CDH13: variants seen among roughly 807,000 people sequenced by gnomAD.
The protein encoded by CDH13 is cadherin 13, also known as cadherin-13.
A neutral mutation model predicts 63.8 loss-of-function variants in CDH13; 24 were observed. The ratio of observed to expected loss-of-function variants is 0.38; its 90% confidence interval spans 0.27 to 0.53. The LOEUF (loss-of-function observed/expected upper bound fraction) is 0.53, where lower values mean the gene tolerates loss of function less well. CDH13 is among the 20% of genes least tolerant of loss of function. CDH13 has a pLI of 0.85. For missense variants in CDH13, 1,049 were observed against 903.1 expected, an observed-to-expected ratio of 1.16 and a Z score of -2.07; for synonymous variants, 503 against 355.3, an observed-to-expected ratio of 1.42 and a Z score of -4.67.
At chr16:83,185,146 C>T (rs983599341) in intron 4 of CDH13, among the ~76,000 whole-genome samples, 5 of 152,080 alleles carry the variant, frequency 3.3e-5, no homozygotes, top group African/African-American at 4.8e-5. Context: ...TACAGCTGGT[C>T]GTGGCAGCAC....
intron 6 of CDH13, among the ~76,000 whole-genome samples, chr16:83,409,840 T>A: frequency 6.6e-6 from 1 of 152,252 alleles, no homozygotes; most frequent in South Asian, 2.1e-4. Flanking sequence ...CTGGGTTATT[T>A]AACTGGCTTT....
chr16:82,885,071 A>G (rs1597899320), intron 2 of CDH13, among the ~76,000 whole-genome samples: 1 of 152,202 alleles, frequency 6.6e-6, no homozygotes, highest in Non-Finnish European at 1.5e-5. Context: ...TACTATATAC[A>G]GCAAGAGAAG....
chr16:83,717,329 C>G (rs1035984485), intron 10 of CDH13, among the ~76,000 whole-genome samples: 2 of 152,160 alleles, frequency 1.3e-5, no homozygotes, highest in African/African-American at 4.8e-5. Flanking sequence ...ATCCCCTAAT[C>G]TCCCCTGACT....
At chr16:83,188,973 T>C (rs1323705942) in intron 4 of CDH13, among the ~76,000 whole-genome samples, 1 of 152,290 alleles carries the variant, frequency 6.6e-6, no homozygotes, top group East Asian at 1.9e-4. Context: ...GCTGTGACAC[T>C]GGGATCTCAG....
At chr16:82,798,133 C>G (rs1372482960) in intron 1 of CDH13, among the ~76,000 whole-genome samples, 1 of 152,180 alleles carries the variant, frequency 6.6e-6, no homozygotes, top group Non-Finnish European at 1.5e-5. Context: ...AGAAAAGAGG[C>G]TGGCATTTAT....
intron 1 of CDH13, among the ~76,000 whole-genome samples, chr16:82,819,936 G>C (rs1303054281): frequency 6.6e-6 from 1 of 152,140 alleles, no homozygotes; most frequent in Non-Finnish European, 1.5e-5. Flanking sequence ...TGGATGCTGG[G>C]ATCCTAGGTG....
intron 8 of CDH13, among the ~76,000 whole-genome samples, chr16:83,650,948 AATAT>A: frequency 6.6e-6 from 1 of 151,012 alleles, no homozygotes; most frequent in East Asian, 1.9e-4. Flanking sequence ...TAAAAATTTA[AATAT>A]ATATATAGTG....
chr16:83,111,094 C>T (rs1260123469), intron 3 of CDH13, among the ~76,000 whole-genome samples: 1 of 150,302 alleles, frequency 6.7e-6, no homozygotes, highest in Non-Finnish European at 1.5e-5. Flanking sequence ...ATGGCGTGAA[C>T]CCGGGAGGCG....
At chr16:82,665,040 A>T (rs903876494) in intron 1 of CDH13, among the ~76,000 whole-genome samples, 5 of 152,212 alleles carry the variant, frequency 3.3e-5, no homozygotes, top group African/African-American at 1.2e-4. Context: ...ACTTGCAGAC[A>T]TATACAGAGC....
intron 10 of CDH13, among the ~76,000 whole-genome samples, chr16:83,737,213 C>G (rs1911621942): frequency 1.3e-5 from 2 of 152,178 alleles, no homozygotes; most frequent in East Asian, 1.9e-4. Context: ...ATTTCCTAGA[C>G]TAAATCATTC....
chr16:82,947,003 CCTGT>C (rs1904797533), intron 2 of CDH13, among the ~76,000 whole-genome samples: 1 of 91,232 alleles, frequency 1.1e-5, no homozygotes, highest in Admixed American at 1.2e-4. Context: ...AGTGCGCACG[CCTGT>C]GTGTGTGTGT....
intron 7 of CDH13, among the ~76,000 whole-genome samples, chr16:83,561,605 T>C (rs994456581): frequency 3.9e-5 from 6 of 152,206 alleles, no homozygotes; most frequent in Admixed American, 3.9e-4. Context: ...CTAAGCACTT[T>C]ACAGGTTAAA....
chr16:82,716,839 T>A (rs2032408214), intron 1 of CDH13, among the ~76,000 whole-genome samples: 2 of 151,930 alleles, frequency 1.3e-5, no homozygotes, highest in South Asian at 2.1e-4. Flanking sequence ...ACTATAGATC[T>A]TCTTTGTCCT....
chr16:82,929,913 A>G lies in CDH13; in HGVS notation c.157+71440A>G, dbSNP rs973823135. 2.0e-5 allele frequency among the ~76,000 whole-genome samples: 3 copies of G among 152,028 alleles called. No individual in the cohort carries two copies. In the South Asian group the frequency reaches 6.2e-4, roughly 32 times the overall value. ...ATTGATTAGTTTTCACAAACCAAAC[A>G]CATACACATAACAACACTCAGAGAA... is the stretch of plus-strand genomic sequence containing the variant. On this transcript the variant is annotated intron_variant, in intron 2 of 13. Coordinates refer to ENST00000567109, the MANE Select transcript of CDH13 (RefSeq NM_001257.5).
intron 1 of CDH13, among the ~76,000 whole-genome samples, chr16:82,848,400 C>T (rs1436006766): frequency 6.6e-6 from 1 of 152,200 alleles, no homozygotes; most frequent in African/African-American, 2.4e-5. Flanking sequence ...TTCACCTTGA[C>T]AACTCTGCAC....
At chr16:82,831,430 T>A (rs1361790110) in intron 1 of CDH13, among the ~76,000 whole-genome samples, 2 of 152,014 alleles carry the variant, frequency 1.3e-5, no homozygotes, top group Non-Finnish European at 2.9e-5. Flanking sequence ...GGTTGGGAGA[T>A]CCTGGGAAAT....
intron 6 of CDH13, among the ~76,000 whole-genome samples, chr16:83,479,314 C>T (rs1380649717): frequency 6.6e-6 from 1 of 152,196 alleles, no homozygotes; most frequent in South Asian, 2.1e-4. Context: ...TGATTGCACT[C>T]AGCAGTGGGT....
chr16:82,728,497 A>G (rs187347518), intron 1 of CDH13, among the ~76,000 whole-genome samples: 1 of 152,278 alleles, frequency 6.6e-6, no homozygotes, highest in Admixed American at 6.5e-5. Flanking sequence ...GTTACGCTGT[A>G]GTCTATTAAG....
At chr16:82,775,176 A>G (rs1464157489) in intron 1 of CDH13, among the ~76,000 whole-genome samples, 2 of 152,222 alleles carry the variant, frequency 1.3e-5, no homozygotes, top group East Asian at 1.9e-4. Flanking sequence ...CCTACTGCAT[A>G]TAGTTGTGAT....
Sources: allele counts gnomAD v4.1 joint callset (sites outside exome capture counted in the v4.1 genomes callset), GRCh38; gene constraint gnomAD v4.1.1; transcripts MANE v1.5; gene names NCBI Gene and HGNC (gene_info 2026-07-23, HGNC 2026-07-21).